The following SVOP variants were observed in gnomAD, a reference collection of about 807,000 sequenced individuals.
The protein encoded by SVOP is synaptic vesicle 2-related protein.
Under a neutral mutation model 69.1 loss-of-function variants are expected in SVOP, and 17 were observed. That is an observed-to-expected ratio of 0.25 (90% confidence interval 0.17 to 0.37). SVOP has a LOEUF of 0.37. Among genes scored for constraint, SVOP ranks in the 10% least tolerant of loss-of-function variants. SVOP has a pLI of 1.00. For synonymous variants in SVOP, 238 were observed against 238.6 expected, an observed-to-expected ratio of 1.00 and a Z score of 0.02; for missense variants, 435 against 597.5, an observed-to-expected ratio of 0.73 and a Z score of 2.84.
chr12:108,968,724 T>A (rs2040060686), intron 5 of SVOP, among the ~76,000 whole-genome samples: 1 of 143,970 alleles, frequency 6.9e-6, no homozygotes, highest in South Asian at 2.3e-4. Flanking sequence ...TGTGTGTGTG[T>A]GTGTGTGCAT....
rs1381881199 is a variant in SVOP at position 108,945,097 on chromosome 12, C to G, written c.642+6G>C. 2 of 1,536,946 alleles carry G rather than the reference C, an allele frequency of 1.3e-6. No homozygotes were observed. Among genetic ancestry groups the G allele is most frequent in the East Asian group, 4.9e-5 (2 of 40,900 alleles). ...CTCTAGAGACCCAGGCCGCTCTCCT[C>G]CTTACCTCAATCAGCAAAATACATT... is the stretch of plus-strand genomic sequence containing the variant. On this transcript the variant is annotated splice_donor_region_variant and intron_variant, in intron 7 of 15. Coordinates refer to ENST00000610966, the MANE Select transcript of SVOP (RefSeq NM_018711.5).
chr12:108,920,343 C>T (rs550765378), intron 12 of SVOP, among the ~76,000 whole-genome samples: 1 of 152,292 alleles, frequency 6.6e-6, no homozygotes, highest in South Asian at 2.1e-4. Flanking sequence ...AGATAACTAA[C>T]CCAGGCACCA....
chr12:108,999,712 A>G (rs1382579966), intron 1 of SVOP, among the ~76,000 whole-genome samples: 3 of 149,070 alleles, frequency 2.0e-5, no homozygotes, highest in African/African-American at 7.3e-5. Context: ...CTGAATGACT[A>G]CTGGATACAT....
At chr12:108,958,592 A>G (rs1352210224) in intron 6 of SVOP, among the ~76,000 whole-genome samples, 1 of 152,152 alleles carries the variant, frequency 6.6e-6, no homozygotes, top group African/African-American at 2.4e-5. Context: ...ACGCATGACT[A>G]TATTTGAAGC....
chr12:108,935,057 A>G (rs2039848064), intron 10 of SVOP, among the ~76,000 whole-genome samples: 1 of 152,210 alleles, frequency 6.6e-6, no homozygotes, highest in Non-Finnish European at 1.5e-5. Context: ...TAACAGAACT[A>G]TGCTATACAA....
At chr12:108,922,665 G>A in intron 12 of SVOP, 25 bp downstream of exon 12, 1 of 1,549,864 alleles carries the variant, frequency 6.5e-7, no homozygotes. Context: ...GCCTGACACA[G>A]CTTCACCTTG....
rs142595548 is a variant in SVOP, at chr12:108,964,471, C to T, written c.454-3424G>A. Among the ~76,000 whole-genome samples, 580 of 151,838 alleles carry T rather than the reference C, an allele frequency of 3.8e-3. 5 individuals carry two copies. The highest frequency in any genetic ancestry group is 0.013 in the African/African-American group (551 of 41,408). On this transcript the variant is annotated intron_variant, in intron 5 of 15. Coordinates refer to ENST00000610966, the MANE Select transcript of SVOP (RefSeq NM_018711.5). ...GCATCAGCGGGAGAAAAGAAGGCAC[C>T]GAGACAAGTGCATGGGAGTTAACCC...
In SVOP at chr12:108,976,278, G is replaced by C. The variant is rs545321395; in HGVS notation, c.381+1120C>G. The stretch of plus-strand genomic sequence containing the variant: ...CAACCTTATTGCTAATATCAGACTG[G>C]GCCATGCTGTGTGGAAGGCACTCAG... On this transcript the variant is annotated intron_variant, in intron 4 of 15. Coordinates refer to ENST00000610966, the MANE Select transcript of SVOP (RefSeq NM_018711.5). Among the ~76,000 whole-genome samples the C allele has an allele frequency of 2.6e-5, 4 of 152,022 alleles. No individual in the cohort carries two copies. The East Asian group carries it at 7.8e-4, about 29-fold the overall frequency.
chr12:108,934,159 G>C lies in SVOP; in HGVS notation c.1048+36C>G. On this transcript the variant is annotated intron_variant, in intron 11 of 15. Coordinates refer to ENST00000610966, the MANE Select transcript of SVOP (RefSeq NM_018711.5). ...GACTGTGTATGTGCCGAGGGTGTGG[G>C]AGTAGTTAGCTGGCAAAGACAACCA... 2.6e-6 allele frequency: 4 copies of C among 1,559,268 alleles called. No individual in the cohort carries two copies. The Admixed American group carries it at 7.4e-5, about 29-fold the overall frequency.
At chr12:108,922,322 C>T (rs866492464) in intron 12 of SVOP, among the ~76,000 whole-genome samples, 1 of 152,170 alleles carries the variant, frequency 6.6e-6, no homozygotes, top group Non-Finnish European at 1.5e-5. Flanking sequence ...GTTGAAAATC[C>T]ATTGCATGTG....
intron 1 of SVOP, among the ~76,000 whole-genome samples, chr12:108,997,414 AG>A (rs1446368876): frequency 3.3e-5 from 5 of 151,712 alleles, no homozygotes; most frequent in Non-Finnish European, 7.4e-5. Context: ...AGGCTTGCTT[AG>A]GTAAACAAAG....
intron 7 of SVOP, 114 bp downstream of exon 7, chr12:108,944,989 G>T: frequency 1.1e-6 from 1 of 920,690 alleles, no homozygotes; most frequent in Non-Finnish European, 1.6e-6. Context: ...TGCATATTGA[G>T]TCTGTAATGT....
At chr12:108,989,522 G>A (rs1470316368) in intron 1 of SVOP, among the ~76,000 whole-genome samples, 2 of 152,150 alleles carry the variant, frequency 1.3e-5, no homozygotes, top group African/African-American at 4.8e-5. Context: ...AGTGTGAATC[G>A]TGACACTGAG....
At chr12:108,952,462 C>T (rs1301496012) in intron 6 of SVOP, among the ~76,000 whole-genome samples, 1 of 152,086 alleles carries the variant, frequency 6.6e-6, no homozygotes, top group African/African-American at 2.4e-5. Flanking sequence ...TCTCAAACTC[C>T]TGGCCTCAAG....
chr12:108,957,641 T>C (rs1166624293), intron 6 of SVOP, among the ~76,000 whole-genome samples: 1 of 152,244 alleles, frequency 6.6e-6, no homozygotes, highest in African/African-American at 2.4e-5. Flanking sequence ...CCAGGTGATA[T>C]ACCAGACATC....
At chr12:108,929,600 C>A (rs118108872) in intron 11 of SVOP, among the ~76,000 whole-genome samples, 202 of 152,242 alleles carry the variant, frequency 1.3e-3, no homozygotes, top group Middle Eastern at 3.4e-3. Context: ...TGAGCCTGGC[C>A]CAGCAATAAT....
rs2039657776 is a variant in SVOP at position 108,907,743 on chromosome 12, G to A, written c.*4792C>T. ...CAAAGTGCTGGGATTATGGGCATGA[G>A]CCACTGCACCCAGCCAGGACCATGT... On this transcript the variant is annotated 3_prime_UTR_variant, in exon 16 of 16. Transcript: ENST00000610966. The A allele has an allele frequency of 1.3e-5, 2 of 152,334 alleles. No individual in the cohort carries two copies. Among genetic ancestry groups the A allele is most frequent in the African/African-American group, 4.8e-5 (2 of 41,464 alleles). 9.4% of individuals were successfully genotyped at this position (152,334 alleles called of 1,614,324 possible). A position where few individuals can be genotyped will look rare whatever the true frequency, so the allele number is the denominator to read the frequency against.
rs148156557 is a variant in SVOP, at chr12:108,936,000, G to A, written c.971+1264C>T. Among the ~76,000 whole-genome samples, 329 of 137,006 alleles carry A rather than the reference G, an allele frequency of 2.4e-3. 1 individual carries two copies. The highest frequency in any genetic ancestry group is 8.6e-3 in the African/African-American group (312 of 36,380). The allele number at this position is 137,006 out of a possible 152,430, so 89.9% of individuals were successfully genotyped here. On this transcript the variant is annotated intron_variant, in intron 10 of 15. Coordinates refer to ENST00000610966, the MANE Select transcript of SVOP (RefSeq NM_018711.5). ...ACCCAAGGGGCAATGTGGGCTACAGGGAAGACACTGACATAGTATAAATAC... is the reference window on the plus strand; with the variant it reads ...ACCCAAGGGGCAATGTGGGCTACAGAGAAGACACTGACATAGTATAAATAC...
intron 6 of SVOP, among the ~76,000 whole-genome samples, chr12:108,947,611 A>C (rs922038023): frequency 6.6e-6 from 1 of 152,150 alleles, no homozygotes; most frequent in Admixed American, 6.6e-5. Flanking sequence ...TCCCAACTGC[A>C]CTGGCTGCCT....
Sources: allele counts gnomAD v4.1 joint callset (sites outside exome capture counted in the v4.1 genomes callset), GRCh38; gene constraint gnomAD v4.1.1; transcripts MANE v1.5; gene names NCBI Gene and HGNC (gene_info 2026-07-23, HGNC 2026-07-21).